The following NEMP2 variants were observed in gnomAD, a reference collection of about 807,000 sequenced individuals.
NEMP2 encodes the protein UPF0571 transmembrane protein.
Under a neutral mutation model 54.2 loss-of-function variants are expected in NEMP2, and 53 were observed. The ratio of observed to expected loss-of-function variants is 0.98; its 90% CI spans 0.78 to 1.23. NEMP2 has a LOEUF of 1.23. NEMP2 is among the 50% of genes most tolerant of loss of function. The pLI, the probability that NEMP2 is intolerant of heterozygous loss-of-function variation, is 0.00. For missense variants in NEMP2, 455 were observed against 511.3 expected (o/e 0.89, Z 1.06); for synonymous variants, 197 against 190.3 (o/e 1.04, Z -0.29).
the NEMP2 span, among the ~76,000 whole-genome samples, chr2:190,630,084 A>C: frequency 6.6e-6 from 1 of 152,186 alleles, no homozygotes; most frequent in Admixed American, 6.5e-5. The surrounding 1 kb of genome is among the most constrained non-coding windows in gnomAD (Gnocchi z 5.5). Context: ...GACTTTCTGG[A>C]GGGCCAAAGA....
chr2:190,428,078 T>C, the NEMP2 span, among the ~76,000 whole-genome samples: 1 of 152,230 alleles, frequency 6.6e-6, no homozygotes, highest in Non-Finnish European at 1.5e-5. Context: ...CTGTTTATTA[T>C]TTTTCCATAA....
At chr2:190,423,525 A>G in the NEMP2 span, among the ~76,000 whole-genome samples, 1 of 152,208 alleles carries the variant, frequency 6.6e-6, no homozygotes, top group Non-Finnish European at 1.5e-5. The surrounding 1 kb of genome is among the most constrained non-coding windows in gnomAD (Gnocchi z 4.3). Context: ...TTGTTTAATT[A>G]GTCCTTCCAT....
chr2:190,471,208 GGGTTCA>G, the NEMP2 span, among the ~76,000 whole-genome samples: 1 of 151,948 alleles, frequency 6.6e-6, no homozygotes, highest in Non-Finnish European at 1.5e-5. The surrounding 1 kb of genome is among the most constrained non-coding windows in gnomAD (Gnocchi z 4.7). Flanking sequence ...CTGAGGTACC[GGGTTCA>G]TCTCACTGGG....
the NEMP2 span, among the ~76,000 whole-genome samples, chr2:190,486,091 C>A: frequency 1.3e-5 from 2 of 152,168 alleles, no homozygotes; most frequent in Non-Finnish European, 2.9e-5. Flanking sequence ...ATAGTGTGAT[C>A]CTTTGGGTCT....
At position 190,530,098 on chromosome 2, in the gene NEMP2, A is replaced by C. The variant is rs576047678; in HGVS notation, c.97+4461T>G. Among the ~76,000 whole-genome samples, 2 of 152,330 alleles carry C rather than the reference A, an allele frequency of 1.3e-5. No individual in the cohort carries two copies. The highest frequency in any genetic ancestry group is 3.9e-4 in the East Asian group (2 of 5,188). On this transcript the variant is annotated intron_variant, in intron 1 of 8. Transcript: ENST00000409150. This position sits in a 1 kb window ranked among gnomAD's most constrained non-coding sequence, Gnocchi z 4.6. ...TATGATACATCAGTGTATTCTGGGT[A>C]AGGGATCTGCCAGTTAGAGGAAAAG...
the NEMP2 span, among the ~76,000 whole-genome samples, chr2:190,446,500 G>T: frequency 1.5e-4 from 23 of 152,302 alleles, no homozygotes; most frequent in Admixed American, 2.6e-4. Context: ...AGAGCTATGT[G>T]TTAGCAGTAA....
the NEMP2 span, among the ~76,000 whole-genome samples, chr2:190,467,966 TAG>T: frequency 6.6e-6 from 1 of 152,222 alleles, no homozygotes; most frequent in Non-Finnish European, 1.5e-5. This position sits in a 1 kb window ranked among gnomAD's most constrained non-coding sequence, Gnocchi z 5.5. Context: ...TGGTCCTTTA[TAG>T]AAAAGTGTTT....
the NEMP2 span, among the ~76,000 whole-genome samples, chr2:190,465,865 CA>C: frequency 1.3e-5 from 2 of 152,106 alleles, no homozygotes; most frequent in Non-Finnish European, 2.9e-5. The surrounding 1 kb of genome is among the most constrained non-coding windows in gnomAD (Gnocchi z 4.6). Context: ...TGGTAGCATG[CA>C]CCTGTAATCT....
At chr2:190,437,422 T>G in the NEMP2 span, 2 of 1,614,268 alleles carry the variant, frequency 1.2e-6, no homozygotes, top group Non-Finnish European at 1.7e-6. This position sits in a 1 kb window ranked among gnomAD's most constrained non-coding sequence, Gnocchi z 5.9. Flanking sequence ...TGGCTTCGTG[T>G]TCACCTTTCT....
chr2:190,558,230 C>G, the NEMP2 span, among the ~76,000 whole-genome samples: 1 of 152,116 alleles, frequency 6.6e-6, no homozygotes, highest in Non-Finnish European at 1.5e-5. The surrounding 1 kb of genome is among the most constrained non-coding windows in gnomAD (Gnocchi z 4.4). Context: ...GAACAGAAAA[C>G]CAAACACTGC....
In NEMP2 at chr2:190,528,304, A is replaced by G. The variant is rs1379901294; in HGVS notation, c.98-2926T>C. The stretch of plus-strand genomic sequence containing the variant: ...CAATGAGAAGACATGAGAACACATT[A>G]AATGCTCCCAGTTAGTAAGCAGCAG... On this transcript the variant is annotated intron_variant, in intron 1 of 8. Coordinates refer to ENST00000409150, the MANE Select transcript of NEMP2 (RefSeq NM_001142645.2). The surrounding 1 kb of genome is among the most constrained non-coding windows in gnomAD (Gnocchi z 4.3). Among the ~76,000 whole-genome samples the G allele has an allele frequency of 6.6e-6, 1 of 152,254 alleles. No individual in the cohort carries two copies. Among genetic ancestry groups the G allele is most frequent in the African/African-American group, 2.4e-5 (1 of 41,466 alleles).
chr2:190,527,060 A>G lies in NEMP2; in HGVS notation c.98-1682T>C, dbSNP rs903867698. Among the ~76,000 whole-genome samples, 1 of 152,206 alleles carries G rather than the reference A, an allele frequency of 6.6e-6. No individual in the cohort carries two copies. Among genetic ancestry groups the G allele is most frequent in the Non-Finnish European group, 1.5e-5 (1 of 68,038 alleles). ...AAAGTCGTAAGTTCTTCCGGATTCA[A>G]GATAGAGTGTCACCTCCACATCTGT... On this transcript the variant is annotated intron_variant, in intron 1 of 8. Coordinates refer to ENST00000409150, the MANE Select transcript of NEMP2 (RefSeq NM_001142645.2). The surrounding 1 kb of genome is among the most constrained non-coding windows in gnomAD (Gnocchi z 4.0).
chr2:190,622,160 C>G, the NEMP2 span, among the ~76,000 whole-genome samples: 5 of 151,822 alleles, frequency 3.3e-5, no homozygotes, highest in Admixed American at 3.3e-4. Flanking sequence ...CTCAGCTACT[C>G]AGAAGGCTGA....
the NEMP2 span, among the ~76,000 whole-genome samples, chr2:190,636,353 CTCTT>C: frequency 2.0e-5 from 3 of 152,154 alleles, no homozygotes; most frequent in African/African-American, 4.8e-5. Flanking sequence ...GTAAGGTTTC[CTCTT>C]TCTATTTCCA....
At chr2:190,478,074 A>G in the NEMP2 span, among the ~76,000 whole-genome samples, 2 of 152,334 alleles carry the variant, frequency 1.3e-5, no homozygotes, top group East Asian at 1.9e-4. Context: ...ACATGTTTTT[A>G]TAATACTTGT....
the NEMP2 span, among the ~76,000 whole-genome samples, chr2:190,597,151 C>A: frequency 1.3e-5 from 2 of 151,488 alleles, no homozygotes; most frequent in Non-Finnish European, 2.9e-5. This position sits in a 1 kb window ranked among gnomAD's most constrained non-coding sequence, Gnocchi z 4.7. Flanking sequence ...GTGGTCCTAG[C>A]TACTGAGCAG....
the NEMP2 span, among the ~76,000 whole-genome samples, chr2:190,572,868 T>C: frequency 7.6e-6 from 1 of 131,512 alleles, no homozygotes; most frequent in Admixed American, 7.6e-5. Flanking sequence ...TATATATATA[T>C]ATATATATGT....
chr2:190,429,174 T>C, the NEMP2 span, among the ~76,000 whole-genome samples: 5 of 152,046 alleles, frequency 3.3e-5, no homozygotes, highest in Non-Finnish European at 7.4e-5. Flanking sequence ...ACTGATTTTT[T>C]TCTATTGATT....
At chr2:190,637,840 G>C in the NEMP2 span, among the ~76,000 whole-genome samples, 1 of 152,246 alleles carries the variant, frequency 6.6e-6, no homozygotes, top group African/African-American at 2.4e-5. This position sits in a 1 kb window ranked among gnomAD's most constrained non-coding sequence, Gnocchi z 4.5. Context: ...TATAGGCTTA[G>C]TGTGTATCCC....
Sources: gnomAD v4.1 joint callset for allele counts (sites outside exome capture counted in the v4.1 genomes callset) on GRCh38, gnomAD v4.1.1 for gene constraint, Gnocchi (gnomAD v3.1) non-coding constraint, MANE v1.5 for transcripts, NCBI Gene and HGNC (gene_info 2026-07-23, HGNC 2026-07-21) for gene names.